CCDC146: variants seen among roughly 807,000 people sequenced by gnomAD.
CCDC146 encodes coiled-coil domain-containing protein 146.
Under a neutral mutation model 119.3 loss-of-function variants are expected in CCDC146, and 92 were observed. The observed-to-expected ratio is 0.77, with a 90% CI of 0.65 to 0.92. The LOEUF is 0.92. CCDC146 is among the 40% of genes least tolerant of loss of function. The pLI, the probability that CCDC146 is intolerant of heterozygous loss-of-function variation, is 0.00. For missense variants in CCDC146, 1,000 were observed against 1,103.0 expected, an observed-to-expected ratio of 0.91 and a Z score of 1.32; for synonymous variants, 372 against 371.8, an observed-to-expected ratio of 1.00 and a Z score of -0.01.
chr7:77,245,815 A>G (rs73373669), intron 4 of CCDC146, among the ~76,000 whole-genome samples: 9,313 of 151,928 alleles, frequency 0.061, 776 homozygotes, highest in African/African-American at 0.19. Context: ...GCATGTAGGT[A>G]CTCAGGAGTA....
intron 2 of CCDC146, among the ~76,000 whole-genome samples, chr7:77,192,657 G>A (rs920582724): frequency 1.3e-5 from 2 of 152,202 alleles, no homozygotes; most frequent in African/African-American, 2.4e-5. Context: ...GGGCACGGTG[G>A]CTAATGCCTG....
At chr7:77,271,545 T>G (rs1206114626) in intron 9 of CCDC146, among the ~76,000 whole-genome samples, 2 of 107,378 alleles carry the variant, frequency 1.9e-5, no homozygotes, top group Non-Finnish European at 3.6e-5. Flanking sequence ...TATATATATA[T>G]ATATATATAT....
chr7:77,216,777 CA>C (rs1204584234), intron 2 of CCDC146, among the ~76,000 whole-genome samples: 1 of 152,144 alleles, frequency 6.6e-6, no homozygotes, highest in Non-Finnish European at 1.5e-5. Flanking sequence ...ATTTCCCTTA[CA>C]AATTATAATT....
intron 1 of CCDC146, among the ~76,000 whole-genome samples, chr7:77,141,376 T>C (rs558250055): frequency 0.011 from 1,668 of 152,300 alleles, 23 homozygotes; most frequent in African/African-American, 0.038. Flanking sequence ...CTGCAATAAA[T>C]ATACATGTGC....
intron 2 of CCDC146, among the ~76,000 whole-genome samples, chr7:77,230,207 A>T (rs1792597663): frequency 6.6e-6 from 1 of 152,078 alleles, no homozygotes; most frequent in Non-Finnish European, 1.5e-5. Flanking sequence ...ATGGACTTGT[A>T]GGTTGTTTCT....
In CCDC146 at chr7:77,274,546, T is replaced by A; in HGVS notation, c.1334T>A (p.Leu445Ter). 1 of 1,612,476 alleles carries A rather than the reference T, an allele frequency of 6.2e-7. No homozygotes were observed. The highest frequency in any genetic ancestry group is 8.5e-7 in the Non-Finnish European group (1 of 1,179,060). Residue 445 changes from leucine to a stop codon, truncating the protein, a stop_gained, in exon 11 of 19, where the codon TTA becomes TAA. Coordinates refer to ENST00000285871, the MANE Select transcript of CCDC146 (RefSeq NM_020879.3). LOFTEE classifies it high-confidence loss of function. ...CAACTTGCAGAAGAAAACAAGCTTT[T>A]AAAGGAGCAAGAAAACATGAAAGAG... Reference protein sequence around the residue: ...EQQLAEENKLLKEQENMKELV... With the variant: ...EQQLAEENKL
chr7:77,273,707 C>T lies in CCDC146; in HGVS notation c.1187C>T (p.Pro396Leu), dbSNP rs1213475170. 1.9e-6 allele frequency: 3 copies of T among 1,608,260 alleles called. No individual in the cohort carries two copies. Among genetic ancestry groups the T allele is most frequent in the South Asian group, 2.2e-5 (2 of 90,308 alleles). The part of the protein sequence containing the change: ...QRLLLEMEAI[P>L]KDDSTLSERR... ...TTTGATTTCCAGATGGAAGCTATCC[C>T]CAAAGATGATTCTACATTATCTGAG... Residue 396 changes from proline to leucine, a missense_variant, in exon 10 of 19, where the codon CCC becomes CTC. This residue lies in a region of CCDC146 where 985 missense variants were observed against 1,045.3 expected (regional missense o/e 0.94). Transcript: ENST00000285871.
At chr7:77,149,053 C>A (rs572042077) in intron 1 of CCDC146, among the ~76,000 whole-genome samples, 4 of 152,182 alleles carry the variant, frequency 2.6e-5, no homozygotes, top group Admixed American at 6.5e-5. Flanking sequence ...AAGCTGGAGG[C>A]ATCATGCTAC....
intron 15 of CCDC146, among the ~76,000 whole-genome samples, chr7:77,283,766 A>G (rs1451100461): frequency 2.0e-5 from 3 of 152,150 alleles, no homozygotes; most frequent in African/African-American, 7.2e-5. Flanking sequence ...AAGGGGATTC[A>G]TAGGATTTCA....
intron 2 of CCDC146, among the ~76,000 whole-genome samples, chr7:77,231,493 A>C (rs34355463): frequency 0.11 from 16,063 of 152,162 alleles, 1,115 homozygotes; most frequent in Non-Finnish European, 0.16. Flanking sequence ...GTCTTGGAGC[A>C]CATCCCCCAT....
Position 77,196,033 on chromosome 7 carries a change from C to A in CCDC146, c.156+28209C>A. Reference sequence around the variant, plus strand: ...AATAGAAATTAAAAGAATTGTAAATCTAATGTATAATTCTCAATATTGCTA... The same window carrying A: ...AATAGAAATTAAAAGAATTGTAAATATAATGTATAATTCTCAATATTGCTA... On this transcript the variant is annotated intron_variant, in intron 2 of 18. Coordinates refer to ENST00000285871, the MANE Select transcript of CCDC146 (RefSeq NM_020879.3). The surrounding 1 kb of genome is among the most constrained non-coding windows in gnomAD (Gnocchi z 4.2). The A allele has an allele frequency of 2.4e-6, 1 of 417,030 alleles. No homozygotes were observed. The allele number at this position is 417,030 out of a possible 1,614,324, so 25.8% of individuals were successfully genotyped here.
At chr7:77,281,891 C>T (rs1290757303) in intron 14 of CCDC146, among the ~76,000 whole-genome samples, 2 of 152,272 alleles carry the variant, frequency 1.3e-5, no homozygotes, top group South Asian at 2.1e-4. Context: ...CAAACCAAAG[C>T]GTTTGGACAA....
intron 16 of CCDC146, 184 bp from the exon 17 acceptor site, chr7:77,287,256 G>A: frequency 1.6e-6 from 1 of 620,732 alleles, no homozygotes; most frequent in Non-Finnish European, 2.8e-6. Flanking sequence ...AGAGCTGAGG[G>A]GGCCATACTC....
chr7:77,150,182 A>G (rs1379572367), intron 1 of CCDC146, among the ~76,000 whole-genome samples: 1 of 152,106 alleles, frequency 6.6e-6, no homozygotes, highest in Non-Finnish European at 1.5e-5. Flanking sequence ...ATTCTTTTAT[A>G]AAATATAAAA....
At chr7:77,212,867 C>G (rs1792214589) in intron 2 of CCDC146, among the ~76,000 whole-genome samples, 1 of 150,698 alleles carries the variant, frequency 6.6e-6, no homozygotes, top group Non-Finnish European at 1.5e-5. Flanking sequence ...TTTCCATAAT[C>G]TGGATTTTGC....
intron 4 of CCDC146, among the ~76,000 whole-genome samples, chr7:77,242,960 T>G (rs1284580892): frequency 6.6e-6 from 1 of 152,012 alleles, no homozygotes; most frequent in Non-Finnish European, 1.5e-5. Context: ...AAATTGGAGG[T>G]TTTTTTGTCT....
intron 2 of CCDC146, among the ~76,000 whole-genome samples, chr7:77,176,802 C>T (rs1208403567): frequency 6.6e-6 from 1 of 151,928 alleles, no homozygotes; most frequent in Non-Finnish European, 1.5e-5. Context: ...ATTTTGTTCT[C>T]TTAAGGCTGG....
chr7:77,268,617 A>C (rs1369695676), intron 9 of CCDC146, among the ~76,000 whole-genome samples: 1 of 152,188 alleles, frequency 6.6e-6, no homozygotes, highest in Non-Finnish European at 1.5e-5. Flanking sequence ...AGGAGGGGAC[A>C]TGCCTTCCAG....
intron 17 of CCDC146, among the ~76,000 whole-genome samples, chr7:77,291,560 T>C (rs186385945): frequency 6.6e-6 from 1 of 152,022 alleles, no homozygotes; most frequent in Non-Finnish European, 1.5e-5. Flanking sequence ...CAAAAACAAA[T>C]AGCCGGGTGT....
Sources: allele counts gnomAD v4.1 joint callset (sites outside exome capture counted in the v4.1 genomes callset), GRCh38; gene constraint gnomAD v4.1.1; regional missense constraint gnomAD v4.1.1; non-coding constraint Gnocchi (gnomAD v3.1); transcripts MANE v1.5; gene names NCBI Gene and HGNC (gene_info 2026-07-23, HGNC 2026-07-21).